The following ERC2 variants were observed in gnomAD, a reference collection of about 807,000 sequenced individuals.
The protein encoded by ERC2 is ELKS/RAB6-interacting/CAST family member 2.
A neutral mutation model predicts 114.8 loss-of-function variants in ERC2; 42 were observed. That is an observed-to-expected ratio of 0.37 (90% CI 0.29 to 0.47). The LOEUF is 0.47. Among genes scored for constraint, ERC2 ranks in the 20% least tolerant of loss-of-function variants. ERC2 has a pLI of 0.99. For synonymous variants in ERC2, 454 were observed against 425.5 expected (o/e 1.07, Z -0.82); for missense variants, 939 against 1,150.7 (o/e 0.82, Z 2.66).
chr3:56,334,373 C>T (rs548553084), intron 2 of ERC2, among the ~76,000 whole-genome samples: 26 of 152,314 alleles, frequency 1.7e-4, no homozygotes, highest in Middle Eastern at 3.4e-3. Context: ...GGTTTCTGAA[C>T]CCTTGAGCCC....
intron 9 of ERC2, among the ~76,000 whole-genome samples, chr3:56,009,836 A>G (rs576141785): frequency 6.6e-6 from 1 of 152,306 alleles, no homozygotes; most frequent in East Asian, 1.9e-4. Flanking sequence ...AAAGTATAAG[A>G]TTTTACTTTA....
intron 17 of ERC2, among the ~76,000 whole-genome samples, chr3:55,618,653 A>G (rs1243895284): frequency 2.0e-5 from 3 of 152,236 alleles, no homozygotes; most frequent in Non-Finnish European, 4.4e-5. Flanking sequence ...GTAAAATTAG[A>G]AAGATACATA....
At chr3:55,736,818 A>G (rs528459097) in intron 14 of ERC2, among the ~76,000 whole-genome samples, 1 of 152,194 alleles carries the variant, frequency 6.6e-6, no homozygotes, top group Non-Finnish European at 1.5e-5. Flanking sequence ...GCCTCCTTCA[A>G]TCTTTACAGT....
At chr3:56,012,668 T>C (rs1402806210) in intron 8 of ERC2, among the ~76,000 whole-genome samples, 1 of 152,210 alleles carries the variant, frequency 6.6e-6, no homozygotes, top group Non-Finnish European at 1.5e-5. Flanking sequence ...TACTATTGAC[T>C]GGGCATTGAT....
chr3:56,085,044 A>T (rs2077433814), intron 6 of ERC2, among the ~76,000 whole-genome samples: 2 of 152,140 alleles, frequency 1.3e-5, no homozygotes, highest in Non-Finnish European at 2.9e-5. Context: ...TTTCAGCCTC[A>T]GTTTCTCCAT....
intron 6 of ERC2, among the ~76,000 whole-genome samples, chr3:56,134,270 G>T (rs560170896): frequency 1.3e-5 from 2 of 152,116 alleles, no homozygotes; most frequent in Non-Finnish European, 2.9e-5. Context: ...TCAAGATTCG[G>T]TGTGGAATTA....
In ERC2 at chr3:56,205,198, C is replaced by A. The variant is rs868583268; in HGVS notation, c.1075-31678G>T. 6.6e-5 allele frequency among the ~76,000 whole-genome samples: 10 copies of A among 152,226 alleles called. 1 individual carries two copies. The Middle Eastern group carries it at 0.024, about 362-fold the overall frequency. On this transcript the variant is annotated intron_variant, in intron 3 of 17. Coordinates refer to ENST00000288221, the MANE Select transcript of ERC2 (RefSeq NM_015576.3). Reference sequence around the variant, plus strand: ...AAGAAATCAGCAAGGAATATGATAACCAGGTTTCATCTGATTTTCTTTTTC... The same window carrying A: ...AAGAAATCAGCAAGGAATATGATAAACAGGTTTCATCTGATTTTCTTTTTC...
chr3:55,742,114 C>A (rs2066000507), intron 14 of ERC2, among the ~76,000 whole-genome samples: 2 of 151,076 alleles, frequency 1.3e-5, no homozygotes, highest in African/African-American at 2.4e-5. Flanking sequence ...AAAAACAAAA[C>A]CTTCCATGGA....
Position 55,966,040 on chromosome 3 carries a change from T to C in ERC2, c.2268-15480A>G, listed in dbSNP as rs577275337. ...CCTGTTTCAGTTTCACTTGATGACA[T>C]ATTTTTCCTAACCCAGTGGTTTCCA... is the stretch of plus-strand genomic sequence containing the variant. On this transcript the variant is annotated intron_variant, in intron 12 of 17. Transcript: ENST00000288221. Among the ~76,000 whole-genome samples, 8 of 152,312 alleles carry C rather than the reference T, an allele frequency of 5.3e-5. No individual in the cohort carries two copies. In the East Asian group the frequency reaches 1.5e-3, roughly 29 times the overall value.
chr3:56,223,121 A>G (rs971804014), intron 3 of ERC2, among the ~76,000 whole-genome samples: 3 of 152,192 alleles, frequency 2.0e-5, no homozygotes, highest in African/African-American at 7.2e-5. Flanking sequence ...GCAGCTGACC[A>G]TGTCTGTAGA....
chr3:56,011,333 G>A (rs926707714), intron 8 of ERC2, among the ~76,000 whole-genome samples: 3 of 152,094 alleles, frequency 2.0e-5, no homozygotes, highest in African/African-American at 4.8e-5. Context: ...CATCACAAGC[G>A]CAAGGGCAGA....
At chr3:56,450,808 G>T (rs2062796278) in intron 1 of ERC2, among the ~76,000 whole-genome samples, 1 of 152,140 alleles carries the variant, frequency 6.6e-6, no homozygotes, top group Admixed American at 6.6e-5. Flanking sequence ...TCCAGCCTGG[G>T]TGACACAGAG....
chr3:55,847,130 T>C (rs1360147180), intron 14 of ERC2, among the ~76,000 whole-genome samples: 1 of 152,118 alleles, frequency 6.6e-6, no homozygotes, highest in Admixed American at 6.5e-5. Flanking sequence ...AATATACAAA[T>C]AGATTTATCA....
At chr3:56,069,737 G>A (rs576118613) in intron 7 of ERC2, among the ~76,000 whole-genome samples, 6 of 152,198 alleles carry the variant, frequency 3.9e-5, no homozygotes, top group African/African-American at 1.4e-4. Context: ...ATTATATGTG[G>A]GTGCTACTGC....
At chr3:55,920,190 T>C (rs1019814622) in intron 13 of ERC2, among the ~76,000 whole-genome samples, 10 of 152,120 alleles carry the variant, frequency 6.6e-5, no homozygotes, top group Non-Finnish European at 1.3e-4. Flanking sequence ...TCTTTAAAAA[T>C]GTCAAGCAAA....
intron 2 of ERC2, among the ~76,000 whole-genome samples, chr3:56,351,207 GA>G (rs965217492): frequency 2.0e-5 from 3 of 151,782 alleles, no homozygotes; most frequent in African/African-American, 4.8e-5. Flanking sequence ...TAAAAAAGAA[GA>G]AAAAAAACTT....
chr3:56,434,314 C>T, intron 2 of ERC2, 37 bp downstream of exon 2: 3 of 1,590,228 alleles, frequency 1.9e-6, no homozygotes, highest in Non-Finnish European at 2.6e-6. Flanking sequence ...CAGTGAGAAG[C>T]CAAGGCTGAA....
At chr3:56,331,569 C>A (rs777105526) in intron 2 of ERC2, among the ~76,000 whole-genome samples, 1 of 152,114 alleles carries the variant, frequency 6.6e-6, no homozygotes, top group South Asian at 2.1e-4. Flanking sequence ...CTTCTGGAAC[C>A]AAGTTTCTAC....
chr3:55,831,401 G>GGGAAGGGAA (rs1559727532), intron 14 of ERC2, among the ~76,000 whole-genome samples: 1 of 79,338 alleles, frequency 1.3e-5, no homozygotes, highest in African/African-American at 5.5e-5. Context: ...GGGGAGGGGA[G>GGGAAGGGAA]GGGAGGGAAG....
Sources: gnomAD v4.1 joint callset for allele counts (sites outside exome capture counted in the v4.1 genomes callset) on GRCh38, gnomAD v4.1.1 for gene constraint, MANE v1.5 for transcripts, NCBI Gene and HGNC (gene_info 2026-07-23, HGNC 2026-07-21) for gene names.